Variants in CELF1 observed in about 807,000 individuals in gnomAD.
The protein encoded by CELF1 is CUGBP Elav-like family member 1.
Under a neutral mutation model 61.8 loss-of-function variants are expected in CELF1, and 10 were observed. The observed-to-expected ratio is 0.16, with a 90% confidence interval of 0.10 to 0.27. CELF1 has a LOEUF of 0.27. Among genes scored for constraint, CELF1 ranks in the 10% least tolerant of loss-of-function variants. CELF1 has a pLI of 1.00. For missense variants in CELF1, 380 were observed against 639.1 expected (o/e 0.59, Z 4.37); for synonymous variants, 236 against 225.1 (o/e 1.05, Z -0.43).
At chr11:47,480,201 C>T (rs931243480) in intron 9 of CELF1, among the ~76,000 whole-genome samples, 8 of 151,974 alleles carry the variant, frequency 5.3e-5, no homozygotes, top group Non-Finnish European at 2.9e-5. Context: ...ATTCTCCTGC[C>T]TCAGCCTCCC....
intron 3 of CELF1, chr11:47,494,403 CAAG>C: frequency 1.0e-6 from 1 of 984,368 alleles, no homozygotes; most frequent in Non-Finnish European, 1.2e-6. Flanking sequence ...AAATTCAGGA[CAAG>C]AGGTTACTTC....
intron 1 of CELF1, among the ~76,000 whole-genome samples, chr11:47,533,312 C>A (rs1334076838): frequency 6.6e-6 from 1 of 152,182 alleles, no homozygotes; most frequent in Middle Eastern, 3.4e-3. Context: ...CATGGTGAAA[C>A]CCCATTTCTA....
At chr11:47,496,819 T>C (rs533003245) in intron 3 of CELF1, among the ~76,000 whole-genome samples, 2 of 152,148 alleles carry the variant, frequency 1.3e-5, no homozygotes, top group South Asian at 4.2e-4. Context: ...AATAAAGAGG[T>C]AGGTCAGAGA....
At chr11:47,488,684 G>A (rs949985176) in intron 4 of CELF1, among the ~76,000 whole-genome samples, 153 bp downstream of exon 4, 1 of 152,180 alleles carries the variant, frequency 6.6e-6, no homozygotes, top group Non-Finnish European at 1.5e-5. Flanking sequence ...TAGACAGACA[G>A]ACAGGAGTAT....
intron 9 of CELF1, chr11:47,482,323 T>TATGATA (rs2083814143): frequency 1.2e-5 from 2 of 161,282 alleles, no homozygotes; most frequent in African/African-American, 4.8e-5. Flanking sequence ...ATAAGGATTT[T>TATGATA]AATGATGCCC....
chr11:47,489,935 G>GTTGTTTTT lies in CELF1; in HGVS notation c.72-912_72-911insAAAAACAA, dbSNP rs1555170252. 9.3e-4 allele frequency among the ~76,000 whole-genome samples: 45 copies of GTTGTTTTT among 48,246 alleles called. 3 individuals carry two copies. The highest frequency in any genetic ancestry group is 3.0e-3 in the African/African-American group (38 of 12,866). 31.7% of individuals were successfully genotyped at this position (48,246 alleles called of 152,430 possible). A position where few individuals can be genotyped will look rare whatever the true frequency, so the allele number is the denominator to read the frequency against. On this transcript the variant is annotated intron_variant, in intron 3 of 14. Transcript: ENST00000687097. ...GTTTCCACTCAGAACATACCATCTTGTTTTTTTTTTTTTTTTTTTTGAGAC... is the reference window on the plus strand; with the variant it reads ...GTTTCCACTCAGAACATACCATCTTGTTGTTTTTTTTTTTTTTTTTTTTTTTTTGAGAC...
intron 2 of CELF1, among the ~76,000 whole-genome samples, chr11:47,500,315 GA>G (rs2093739987): frequency 6.6e-6 from 1 of 152,100 alleles, no homozygotes; most frequent in South Asian, 2.1e-4. Context: ...TCATCTGGGT[GA>G]AAGACTTCAA....
chr11:47,466,409 T>C lies in CELF1; in HGVS notation c.*5821A>G, dbSNP rs968880080. On this transcript the variant is annotated 3_prime_UTR_variant, in exon 15 of 15. Coordinates refer to ENST00000687097, the MANE Select transcript of CELF1 (RefSeq NM_001376376.1). ...GCAGAACAGACTGTGCGTTTGGTCA[T>C]AGTGGCAATTTTTTTTTCTCTTCAC... is the stretch of plus-strand genomic sequence containing the variant. The C allele has an allele frequency of 2.6e-5, 4 of 152,216 alleles. No homozygotes were observed. The highest frequency in any genetic ancestry group is 1.9e-4 in the East Asian group (1 of 5,208). 9.4% of individuals were successfully genotyped at this position (152,216 alleles called of 1,614,324 possible).
At chr11:47,507,888 G>A (rs997202348) in intron 1 of CELF1, among the ~76,000 whole-genome samples, 4 of 151,788 alleles carry the variant, frequency 2.6e-5, no homozygotes, top group African/African-American at 4.8e-5. Flanking sequence ...TAATTTTAAG[G>A]GCAAAGTTTA....
chr11:47,501,055 C>T, intron 1 of CELF1, 123 bp from the exon 2 acceptor site: 1 of 395,790 alleles, frequency 2.5e-6, no homozygotes, highest in Non-Finnish European at 4.4e-6. Context: ...TGGCTAACAT[C>T]TGTCTGCACC....
At chr11:47,547,398 C>T (rs2096991780) in intron 1 of CELF1, among the ~76,000 whole-genome samples, 1 of 152,138 alleles carries the variant, frequency 6.6e-6, no homozygotes, top group Non-Finnish European at 1.5e-5. Context: ...GAAATTAGGG[C>T]TGGGCACGGT....
intron 10 of CELF1, chr11:47,477,703 C>A: frequency 3.1e-6 from 1 of 320,670 alleles, no homozygotes; most frequent in Non-Finnish European, 6.0e-6. Context: ...CCAAGAAAAA[C>A]TGCCTACCAT....
chr11:47,546,902 C>A (rs2096966820), intron 1 of CELF1, among the ~76,000 whole-genome samples: 1 of 151,532 alleles, frequency 6.6e-6, no homozygotes, highest in Non-Finnish European at 1.5e-5. Flanking sequence ...TCCGTCTCTA[C>A]TAAAAATACA....
Position 47,482,798 on chromosome 11 carries a change from T to C in CELF1, c.665A>G (p.Lys222Arg). Residue 222 changes from lysine (K) to arginine (R), a missense_variant, in exon 9 of 15, where the codon AAG (lysine) becomes AGG (arginine). Transcript: ENST00000687097. ...FADTQKDKEQKRMAQQLQQQM... is the reference protein window; with the variant it reads ...FADTQKDKEQRRMAQQLQQQM... ...CTGCTGGAGCTGCTGGGCCATTCTC[T>C]TCTGTTCTTTGTCCTTCTGTGTATC... 6.2e-7 allele frequency: 1 copy of C among 1,614,174 alleles called. No homozygotes were observed. Among genetic ancestry groups the C allele is most frequent in the Non-Finnish European group, 8.5e-7 (1 of 1,180,004 alleles).
At chr11:47,537,321 C>G (rs766993243) in intron 1 of CELF1, among the ~76,000 whole-genome samples, 3 of 150,318 alleles carry the variant, frequency 2.0e-5, no homozygotes, top group Non-Finnish European at 4.4e-5. Flanking sequence ...CATCTTGGCT[C>G]ACTGCAGCCT....
chr11:47,483,240 A>T (rs2153442367), intron 8 of CELF1, among the ~76,000 whole-genome samples: 1 of 152,258 alleles, frequency 6.6e-6, no homozygotes, highest in African/African-American at 2.4e-5. Flanking sequence ...ACTCCAGCCC[A>T]GGTGACAAAG....
At chr11:47,545,109 A>G (rs138685936) in intron 1 of CELF1, among the ~76,000 whole-genome samples, 3 of 152,292 alleles carry the variant, frequency 2.0e-5, no homozygotes, top group Middle Eastern at 3.4e-3. Context: ...CCTGGCCAAC[A>G]TGGCGAAACC....
intron 3 of CELF1, among the ~76,000 whole-genome samples, chr11:47,492,469 C>T (rs1409318035): frequency 2.0e-5 from 3 of 152,206 alleles, no homozygotes; most frequent in African/African-American, 7.2e-5. Context: ...TGGCTCATGC[C>T]TGTAATCCTA....
At chr11:47,559,081 AATAAT>A (rs1744721995) in intron 2 of CELF1, among the ~76,000 whole-genome samples, 1 of 143,350 alleles carries the variant, frequency 7.0e-6, no homozygotes, top group South Asian at 2.1e-4. Context: ...TATAATATAT[AATAAT>A]ATAATATATA....
Sources: gnomAD v4.1 joint callset for allele counts (sites outside exome capture counted in the v4.1 genomes callset) on GRCh38, gnomAD v4.1.1 for gene constraint, MANE v1.5 for transcripts, NCBI Gene and HGNC (gene_info 2026-07-23, HGNC 2026-07-21) for gene names.